MAD1L1: variants seen among roughly 807,000 people sequenced by gnomAD.
MAD1L1 encodes the protein mitotic arrest deficient 1 like 1, also known as mitotic spindle assembly checkpoint protein MAD1.
MAD1L1 carries 95 observed loss-of-function variants against 96.9 expected under a neutral mutation model. The ratio of observed to expected loss-of-function variants is 0.98; its 90% CI spans 0.83 to 1.16. MAD1L1 has a LOEUF of 1.16. MAD1L1 is among the 50% of genes most tolerant of loss of function. MAD1L1 has a pLI of 0.00. For missense variants in MAD1L1, 1,007 were observed against 954.4 expected, an observed-to-expected ratio of 1.06 and a Z score of -0.73; for synonymous variants, 473 against 396.6, an observed-to-expected ratio of 1.19 and a Z score of -2.29.
intron 12 of MAD1L1, among the ~76,000 whole-genome samples, chr7:2,064,792 G>A (rs1001518932): frequency 6.9e-6 from 1 of 144,772 alleles, no homozygotes; most frequent in Non-Finnish European, 1.5e-5. Flanking sequence ...CTTCTCCCAG[G>A]ACGGAGGCTT....
chr7:1,852,594 GT>G (rs1461888473), intron 18 of MAD1L1, among the ~76,000 whole-genome samples: 2 of 152,138 alleles, frequency 1.3e-5, no homozygotes. Context: ...ATTAAACTGA[GT>G]GGTATGAAGT....
intron 6 of MAD1L1, among the ~76,000 whole-genome samples, chr7:2,218,424 T>A (rs557483274): frequency 6.9e-4 from 105 of 152,304 alleles, no homozygotes; most frequent in Middle Eastern, 6.8e-3. Flanking sequence ...TCCTCTCTAC[T>A]ACGGAACTAG....
intron 12 of MAD1L1, among the ~76,000 whole-genome samples, chr7:2,030,261 C>T (rs1783165398): frequency 6.6e-6 from 1 of 152,208 alleles, no homozygotes; most frequent in Non-Finnish European, 1.5e-5. Flanking sequence ...CACAGTGACG[C>T]CCGGGGTGGA....
rs72439038 is a variant in MAD1L1 at position 1,938,840 on chromosome 7, G to GCACACACACACA, written c.1597-1955_1597-1944dup. Among the ~76,000 whole-genome samples the GCACACACACACA allele has an allele frequency of 2.2e-4, 20 of 90,984 alleles. 1 individual carries two copies. The highest frequency in any genetic ancestry group is 9.2e-4 in the African/African-American group (19 of 20,580). The allele number at this position is 90,984 out of a possible 152,430, so 59.7% of individuals were successfully genotyped here. On this transcript the variant is annotated intron_variant, in intron 16 of 18. Coordinates refer to ENST00000265854, the MANE Select transcript of MAD1L1 (RefSeq NM_001013836.2). ...ACACGGGCCAGGGCCGGGGCCAGAG[G>GCACACACACACA]CACACACACACACACACACACACAC...
At chr7:2,099,877 A>T (rs1584318738) in intron 11 of MAD1L1, among the ~76,000 whole-genome samples, 1 of 152,210 alleles carries the variant, frequency 6.6e-6, no homozygotes, top group South Asian at 2.1e-4. Context: ...CCAGCCCTCG[A>T]TGCCCCAGGC....
At chr7:1,834,864 C>G (rs912619993) in intron 18 of MAD1L1, among the ~76,000 whole-genome samples, 11 of 152,018 alleles carry the variant, frequency 7.2e-5, no homozygotes, top group Middle Eastern at 6.8e-3. Flanking sequence ...CCGCACCCCC[C>G]CAAAACTATG....
In MAD1L1 at chr7:1,905,094, T is replaced by C. The variant is rs1426237426; in HGVS notation, c.1808-6704A>G. Among the ~76,000 whole-genome samples the C allele has an allele frequency of 1.2e-4, 11 of 88,008 alleles. 2 individuals are homozygous for C. Among genetic ancestry groups the C allele is most frequent in the African/African-American group, 1.7e-4 (4 of 23,090 alleles). The allele number at this position is 88,008 out of a possible 152,430, so 57.7% of individuals were successfully genotyped here. A position where few individuals can be genotyped will look rare whatever the true frequency, so the allele number is the denominator to read the frequency against. ...GGAACTCATGATTGATGAAGCACTGTTCCAGGCAGCGAGGACGCAGTGGCC... is the reference window on the plus strand; with the variant it reads ...GGAACTCATGATTGATGAAGCACTGCTCCAGGCAGCGAGGACGCAGTGGCC... On this transcript the variant is annotated intron_variant, in intron 17 of 18. Transcript: ENST00000265854.
intron 11 of MAD1L1, among the ~76,000 whole-genome samples, chr7:2,085,397 A>G (rs113760422): frequency 1.7e-4 from 26 of 152,310 alleles, no homozygotes; most frequent in African/African-American, 6.0e-4. Flanking sequence ...AGAGCAGCGC[A>G]TGTAGCTGTC....
intron 15 of MAD1L1, among the ~76,000 whole-genome samples, chr7:1,977,293 A>T (rs1190772570): frequency 1.3e-5 from 2 of 152,204 alleles, no homozygotes; most frequent in African/African-American, 2.4e-5. Flanking sequence ...TGAGAATTCG[A>T]CTGCAGCGCA....
At chr7:2,056,313 AAG>A (rs1218074339) in intron 12 of MAD1L1, among the ~76,000 whole-genome samples, 1 of 152,196 alleles carries the variant, frequency 6.6e-6, no homozygotes, top group Non-Finnish European at 1.5e-5. Context: ...CTCAGACCTA[AAG>A]AGGGGTGTGG....
At chr7:2,078,209 G>A (rs547847307) in intron 11 of MAD1L1, among the ~76,000 whole-genome samples, 5 of 152,290 alleles carry the variant, frequency 3.3e-5, no homozygotes, top group African/African-American at 1.2e-4. Context: ...CAGAGAGGCA[G>A]GGAAACAACT....
intron 11 of MAD1L1, among the ~76,000 whole-genome samples, chr7:2,087,881 G>A (rs373230421): frequency 3.0e-4 from 46 of 152,144 alleles, no homozygotes; most frequent in African/African-American, 1.1e-3. Flanking sequence ...AAGACAGCAC[G>A]GCGCTAGCAG....
chr7:1,920,250 G>C (rs1562525149), intron 17 of MAD1L1, among the ~76,000 whole-genome samples: 1 of 152,166 alleles, frequency 6.6e-6, no homozygotes, highest in Non-Finnish European at 1.5e-5. Flanking sequence ...GTGCGTGCGT[G>C]CGTGTGCATG....
At chr7:1,926,431 A>C (rs748559950) in intron 17 of MAD1L1, among the ~76,000 whole-genome samples, 1 of 152,244 alleles carries the variant, frequency 6.6e-6, no homozygotes, top group African/African-American at 2.4e-5. Context: ...CAGTACAAGA[A>C]AGCTACAGAC....
At chr7:2,191,697 C>T (rs1323103113) in intron 10 of MAD1L1, among the ~76,000 whole-genome samples, 1 of 152,126 alleles carries the variant, frequency 6.6e-6, no homozygotes, top group South Asian at 2.1e-4. Flanking sequence ...TGCCACTACA[C>T]TCCAGCCTGG....
chr7:1,853,747 C>G (rs574249383), intron 18 of MAD1L1, among the ~76,000 whole-genome samples: 1 of 152,212 alleles, frequency 6.6e-6, no homozygotes, highest in Admixed American at 6.5e-5. Context: ...CGCCCAATGA[C>G]AGGAGGCAGC....
At chr7:1,863,340 C>G (rs976461199) in intron 18 of MAD1L1, among the ~76,000 whole-genome samples, 1 of 152,266 alleles carries the variant, frequency 6.6e-6, no homozygotes, top group African/African-American at 2.4e-5. Context: ...AGCCTGTTAA[C>G]AGTCTGGCTG....
chr7:1,978,275 C>G (rs965716345), intron 15 of MAD1L1, among the ~76,000 whole-genome samples: 2 of 152,238 alleles, frequency 1.3e-5, no homozygotes, highest in Non-Finnish European at 2.9e-5. Flanking sequence ...ACTACCCCCT[C>G]TCCGAGGCCT....
chr7:2,065,636 A>G (rs1220114585), intron 12 of MAD1L1, among the ~76,000 whole-genome samples: 1 of 152,112 alleles, frequency 6.6e-6, no homozygotes, highest in African/African-American at 2.4e-5. Context: ...ACAACTCCAG[A>G]AGACACAAAT....
Sources: allele counts gnomAD v4.1 joint callset (sites outside exome capture counted in the v4.1 genomes callset), GRCh38; gene constraint gnomAD v4.1.1; transcripts MANE v1.5; gene names NCBI Gene and HGNC (gene_info 2026-07-23, HGNC 2026-07-21).